Variants in ZSCAN32 observed in about 807,000 individuals in gnomAD.
The protein encoded by ZSCAN32 is zinc finger and SCAN domain-containing protein 32.
A neutral mutation model predicts 47.4 loss-of-function variants in ZSCAN32; 52 were observed. The ratio of observed to expected loss-of-function variants is 1.10; its 90% CI spans 0.88 to 1.38. The LOEUF (loss-of-function observed/expected upper bound fraction) is 1.38. ZSCAN32 is among the 40% of genes most tolerant of loss of function. ZSCAN32 has a pLI of 0.00. For synonymous variants in ZSCAN32, 346 were observed against 305.7 expected (o/e 1.13, Z -1.38); for missense variants, 959 against 846.0 (o/e 1.13, Z -1.66).
intron 1 of ZSCAN32, among the ~76,000 whole-genome samples, chr16:3,399,215 C>G (rs1260491301): frequency 1.3e-5 from 2 of 152,062 alleles, no homozygotes; most frequent in Non-Finnish European, 2.9e-5. Flanking sequence ...AAGAGCGAGA[C>G]TGTCTCAAAA....
At chr16:3,389,176 G>A (rs576557660) in intron 5 of ZSCAN32, among the ~76,000 whole-genome samples, 59 of 152,286 alleles carry the variant, frequency 3.9e-4, no homozygotes, top group African/African-American at 1.4e-3. Context: ...AGCAAGAAAT[G>A]GCACATGATG....
intron 1 of ZSCAN32, 144 bp downstream of exon 1, chr16:3,400,801 T>A (rs2033831045): frequency 6.6e-6 from 1 of 152,172 alleles, no homozygotes; most frequent in Admixed American, 6.5e-5. Context: ...ACGCCCGGCC[T>A]GAGGGAGGCT....
chr16:3,394,886 G>A (rs1377485354), intron 2 of ZSCAN32, among the ~76,000 whole-genome samples: 2 of 152,042 alleles, frequency 1.3e-5, no homozygotes, highest in Non-Finnish European at 2.9e-5. Flanking sequence ...GGGACAACTG[G>A]TTCCTTCTCC....
At chr16:3,393,569 G>A in intron 3 of ZSCAN32, 80 bp downstream of exon 3, 1 of 1,357,502 alleles carries the variant, frequency 7.4e-7, no homozygotes, top group Non-Finnish European at 9.8e-7. Context: ...GAACCCTTGG[G>A]TGGACTCAGT....
intron 1 of ZSCAN32, among the ~76,000 whole-genome samples, chr16:3,400,241 T>C (rs2033761964): frequency 6.6e-6 from 1 of 152,304 alleles, no homozygotes; most frequent in Non-Finnish European, 1.5e-5. Context: ...AGGGCATTAT[T>C]ATTGTTAGCA....
At chr16:3,384,270 T>TCTCGGTGGTC in intron 6 of ZSCAN32, 189 bp downstream of exon 6, 5 of 749,124 alleles carry the variant, frequency 6.7e-6, no homozygotes, top group Admixed American at 2.9e-5. Flanking sequence ...GGTTGGCAAA[T>TCTCGGTGGTC]GCAAAATCAG....
chr16:3,399,375 G>C (rs577503755), intron 1 of ZSCAN32, among the ~76,000 whole-genome samples: 3 of 152,142 alleles, frequency 2.0e-5, no homozygotes, highest in East Asian at 1.9e-4. Context: ...CATTTTCTAG[G>C]AATTGGTAAA....
chr16:3,384,452 G>A lies in ZSCAN32; in HGVS notation c.1234+7C>T, dbSNP rs1436017425. ...TCCTTTGACCATCAGAGCCAAGGGA[G>A]TCTTACCAAGTCTGTTTGGGAACAG... On this transcript the variant is annotated splice_region_variant and intron_variant, in intron 6 of 6. Transcript: ENST00000396852. The A allele has an allele frequency of 8.7e-6, 14 of 1,613,972 alleles. No homozygotes were observed. Among genetic ancestry groups the A allele is most frequent in the Non-Finnish European group, 1.2e-5 (14 of 1,179,986 alleles).
In ZSCAN32 at chr16:3,383,249, G is replaced by C; in HGVS notation, c.1697C>G (p.Ala566Gly). The C allele has an allele frequency of 6.2e-7, 1 of 1,614,082 alleles. No individual in the cohort carries two copies. The highest frequency in any genetic ancestry group is 1.1e-5 in the South Asian group (1 of 91,080). Residue 566 changes from alanine to glycine, a missense_variant, in exon 7 of 7, where the codon GCC becomes GGC. Coordinates refer to ENST00000396852, the MANE Select transcript of ZSCAN32 (RefSeq NM_001284527.2). ...KGFSERSNLT[A>G]HLRTHTGERP... ...CTCCCCTGTGTGAGTTCGTAGGTGGGCAGTGAGGTTGGAGCGCTCACTAAA... is the reference window on the plus strand; with the variant it reads ...CTCCCCTGTGTGAGTTCGTAGGTGGCCAGTGAGGTTGGAGCGCTCACTAAA...
chr16:3,396,340 T>A (rs78753562), intron 2 of ZSCAN32, among the ~76,000 whole-genome samples: 6,689 of 152,274 alleles, frequency 0.044, 199 homozygotes, highest in Middle Eastern at 0.061. Flanking sequence ...AAATTTCATC[T>A]ATATCCCCCT....
chr16:3,390,559 C>A, intron 3 of ZSCAN32, 42 bp from the exon 4 acceptor site: 1 of 1,484,080 alleles, frequency 6.7e-7, no homozygotes, highest in Non-Finnish European at 9.2e-7. Flanking sequence ...GGCTTCCACA[C>A]AACAGCACAG....
At chr16:3,393,077 A>G (rs1039723401) in intron 3 of ZSCAN32, among the ~76,000 whole-genome samples, 6 of 141,300 alleles carry the variant, frequency 4.2e-5, no homozygotes, top group African/African-American at 1.6e-4. Flanking sequence ...ATGCTAACAC[A>G]TAAAGAATCT....
At chr16:3,386,530 T>A (rs1230261504) in intron 5 of ZSCAN32, among the ~76,000 whole-genome samples, 1 of 152,178 alleles carries the variant, frequency 6.6e-6, no homozygotes, top group East Asian at 1.9e-4. Flanking sequence ...AGCAAAGACT[T>A]GGAACCAAGC....
intron 2 of ZSCAN32, among the ~76,000 whole-genome samples, chr16:3,395,014 A>G (rs2033233379): frequency 6.6e-6 from 1 of 152,204 alleles, no homozygotes; most frequent in South Asian, 2.1e-4. Context: ...TTTATGGTTT[A>G]CTTTTGATTT....
chr16:3,390,583 A>C, intron 3 of ZSCAN32, 66 bp from the exon 4 acceptor site: 318 of 1,323,736 alleles, frequency 2.4e-4, no homozygotes, highest in Non-Finnish European at 3.0e-4. Flanking sequence ...AGAAGCTCTC[A>C]AAGTGGGCTC....
intron 3 of ZSCAN32, 38 bp downstream of exon 3, chr16:3,393,611 C>T: frequency 6.7e-7 from 1 of 1,489,316 alleles, no homozygotes; most frequent in East Asian, 2.5e-5. Context: ...ATGATTGTTC[C>T]TCACCTGCCT....
chr16:3,383,283 C>T lies in ZSCAN32; in HGVS notation c.1663G>A (p.Gly555Arg), dbSNP rs567883117. 5.0e-5 allele frequency: 81 copies of T among 1,614,184 alleles called. No homozygotes were observed. The highest frequency in any genetic ancestry group is 6.4e-5 in the Non-Finnish European group (75 of 1,180,036). Residue 555 changes from glycine to arginine, a missense_variant, in exon 7 of 7, where the codon GGG (glycine) becomes AGG (arginine). Gly to Arg is a moderately radical substitution (Grantham distance 125, BLOSUM62 -2). Transcript: ENST00000396852. Reference sequence around the variant, plus strand: ...TTGGAGCGCTCACTAAAGCCCTTCCCGCACTCACTGCACTTGTGAGGCTTC... The same window carrying T: ...TTGGAGCGCTCACTAAAGCCCTTCCTGCACTCACTGCACTTGTGAGGCTTC... ...GEKPHKCSEC[G>R]KGFSERSNLT...
chr16:3,385,693 A>T (rs919445026), intron 5 of ZSCAN32, among the ~76,000 whole-genome samples: 1 of 152,342 alleles, frequency 6.6e-6, no homozygotes, highest in African/African-American at 2.4e-5. Flanking sequence ...AGCAATGGGG[A>T]AAGGATTCCC....
chr16:3,392,378 T>G (rs2032816643), intron 3 of ZSCAN32, among the ~76,000 whole-genome samples: 1 of 142,694 alleles, frequency 7.0e-6, no homozygotes, highest in South Asian at 2.1e-4. Context: ...TAAAACAATT[T>G]TTTTTTTTTT....
Sources: gnomAD v4.1 joint callset for allele counts (sites outside exome capture counted in the v4.1 genomes callset) on GRCh38, gnomAD v4.1.1 for gene constraint, MANE v1.5 for transcripts, NCBI Gene and HGNC (gene_info 2026-07-23, HGNC 2026-07-21) for gene names.